The following CDH24 variants were observed in gnomAD, a reference collection of about 807,000 sequenced individuals.
The protein encoded by CDH24 is cadherin-24.
Under a neutral mutation model 71.2 loss-of-function variants are expected in CDH24, and 61 were observed. The observed-to-expected ratio is 0.86, with a 90% CI of 0.70 to 1.06. The LOEUF (loss-of-function observed/expected upper bound fraction) is 1.06, where lower values mean the gene tolerates loss of function less well. Ranked by LOEUF, CDH24 falls within the 50% of genes least tolerant of loss-of-function variation. The pLI is 0.00. For synonymous variants in CDH24, 440 were observed against 470.2 expected (o/e 0.94, Z 0.83); for missense variants, 961 against 1,083.7 (o/e 0.89, Z 1.59).
chr14:23,048,397 G>A lies in CDH24; in HGVS notation c.1929C>T (p.Asn643=). The A allele has an allele frequency of 6.2e-7, 1 of 1,612,522 alleles. No individual in the cohort carries two copies. The highest frequency in any genetic ancestry group is 8.5e-7 in the Non-Finnish European group (1 of 1,179,630). Residue 643 remains asparagine (N), a synonymous_variant, in exon 12 of 13, where the codon AAC becomes AAT. Coordinates refer to ENST00000487137, the MANE Select transcript of CDH24 (RefSeq NM_144985.4). ...CGCCCTCGTCGTCGTAGGTGATGAT[G>A]TTCTCTCGGACGTCCTCCTCCTCCA... The part of the protein sequence containing the change: ...MVLEEEDVRE[N]IITYDDEGGG...
chr14:23,054,962 G>A lies in CDH24; in HGVS notation c.497-96C>T. 2 of 1,591,870 alleles carry A rather than the reference G, an allele frequency of 1.3e-6. No individual in the cohort carries two copies. The highest frequency in any genetic ancestry group is 1.7e-6 in the Non-Finnish European group (2 of 1,166,330). ...ATGCAGATACGAGGGAGGCTGAATT[G>A]AAGGGGGCAGGTTCTGGGGCAGACA... On this transcript the variant is annotated intron_variant, in intron 3 of 12. Coordinates refer to ENST00000487137, the MANE Select transcript of CDH24 (RefSeq NM_144985.4). This position sits in a 1 kb window ranked among gnomAD's most constrained non-coding sequence, Gnocchi z 5.2.
chr14:23,050,064 A>C, intron 8 of CDH24, 121 bp from the exon 9 acceptor site: 8 of 1,339,696 alleles, frequency 6.0e-6, no homozygotes, highest in African/African-American at 1.4e-5. Context: ...AAACACATGA[A>C]ATATGCATGT....
Position 23,053,718 on chromosome 14 carries a change from G to A in CDH24, c.1004C>T (p.Ser335Phe), listed in dbSNP as rs750053080. 4.3e-6 allele frequency: 7 copies of A among 1,611,106 alleles called. No individual in the cohort carries two copies. Among genetic ancestry groups the A allele is most frequent in the South Asian group, 3.3e-5 (3 of 91,030 alleles). The change falls in exon 7 of 13, where the codon TCC becomes TTC. Residue 335 changes from serine to phenylalanine, a missense_variant. Transcript: ENST00000487137. ...CGTGTTGGTGGCCTCGACACGGAAG[G>A]AGTAGGAGCGCTGGCTCTCAAAGTC... Reference protein sequence around the residue: ...PLDFESQRSYSFRVEATNTLI... With the variant: ...PLDFESQRSYFFRVEATNTLI...
rs1046986201 is a variant in CDH24 at position 23,048,090 on chromosome 14, C to T, written c.2236G>A (p.Gly746Ser). The T allele has an allele frequency of 2.1e-6, 3 of 1,418,576 alleles. No individual in the cohort carries two copies. Among genetic ancestry groups the T allele is most frequent in the African/African-American group, 1.5e-5 (1 of 65,784 alleles). 87.9% of individuals were successfully genotyped at this position (1,418,576 alleles called of 1,614,324 possible). ...CCGGGGGCGCCGCCGGCTTCGCTGC[C>T]GGAGCCCAGGGAGCTGAGGGAGCCG... ...SCGSLSSLGS[G>S]SEAGGAPGPA... is the part of the protein sequence containing the mutation. Residue 746 changes from glycine to serine, a missense_variant, in exon 12 of 13, where the codon GGC (glycine) becomes AGC (serine). Gly to Ser is a moderately conservative substitution (Grantham distance 56). Transcript: ENST00000487137.
Position 23,053,505 on chromosome 14 carries a change from C to A in CDH24, c.1217G>T (p.Ser406Ile). ...ATCCCAGCTCACCTACCTGATTGGG[C>A]TGGCAGGGGAGTCCAGGTCAGCCGC... Reference protein sequence around the residue: ...ISAADLDSPASPIRYSILPHS... With the variant: ...ISAADLDSPAIPIRYSILPHS... The change falls in exon 7 of 13, where the codon AGC (serine) becomes ATC (isoleucine). Residue 406 changes from serine to isoleucine, a missense_variant. Ser to Ile is a moderately radical substitution (Grantham distance 142). Coordinates refer to ENST00000487137, the MANE Select transcript of CDH24 (RefSeq NM_144985.4). 6.4e-7 allele frequency: 1 copy of A among 1,574,642 alleles called. No individual in the cohort carries two copies. Among genetic ancestry groups the A allele is most frequent in the South Asian group, 1.1e-5 (1 of 87,220 alleles).
intron 8 of CDH24, chr14:23,052,134 C>T: frequency 9.8e-7 from 1 of 1,017,446 alleles, no homozygotes; most frequent in South Asian, 1.4e-5. Flanking sequence ...AGGTTGGGGG[C>T]TATGTAAGGT....
At position 23,055,678 on chromosome 14, in the gene CDH24, C is replaced by G. The variant is rs759572379; in HGVS notation, c.56G>C (p.Gly19Ala). Residue 19 changes from glycine to alanine, a missense_variant, in exon 2 of 13, where the codon GGG (glycine) becomes GCG (alanine). By Grantham distance (60) the Gly-to-Ala change is moderately conservative. Transcript: ENST00000487137. This position sits in a 1 kb window ranked among gnomAD's most constrained non-coding sequence, Gnocchi z 4.1. The part of the protein sequence containing the change: ...LAWLGGWGCM[G>A]RLAAPARAWA... The stretch of plus-strand genomic sequence containing the variant: ...GGCCCGGGCTGGGGCTGCCAGACGC[C>G]CCATGCAGCCCCAGCCACCCAGCCA... 1.2e-6 allele frequency: 2 copies of G among 1,601,686 alleles called. No individual in the cohort carries two copies. Among genetic ancestry groups the G allele is most frequent in the Non-Finnish European group, 1.7e-6 (2 of 1,176,418 alleles).
Position 23,055,045 on chromosome 14 carries a change from G to T in CDH24, c.496+14C>A. 6.2e-7 allele frequency: 1 copy of T among 1,606,192 alleles called. No individual in the cohort carries two copies. The highest frequency in any genetic ancestry group is 8.5e-7 in the Non-Finnish European group (1 of 1,174,168). On this transcript the variant is annotated intron_variant, in intron 3 of 12. Coordinates refer to ENST00000487137, the MANE Select transcript of CDH24 (RefSeq NM_144985.4). The surrounding 1 kb of genome is among the most constrained non-coding windows in gnomAD (Gnocchi z 4.1). ...GAAGACGGGAACTGGGGCATTCAGA[G>T]CTGGGGTGCTCACCGACATTGGACA... is the stretch of plus-strand genomic sequence containing the variant.
At position 23,053,657 on chromosome 14, in the gene CDH24, G is replaced by A; in HGVS notation, c.1065C>T (p.Phe355=). 1 of 1,614,028 alleles carries A rather than the reference G, an allele frequency of 6.2e-7. No individual in the cohort carries two copies. Among genetic ancestry groups the A allele is most frequent in the Non-Finnish European group, 8.5e-7 (1 of 1,179,982 alleles). The change falls in exon 7 of 13, where the codon TTC becomes TTT. Residue 355 remains phenylalanine (F), a synonymous_variant. Coordinates refer to ENST00000487137, the MANE Select transcript of CDH24 (RefSeq NM_144985.4). ...CCACACGCACAGAGGCCACATCCTT[G>A]AAGGGCCCTCGCCGCAGATAGGCTG... is the stretch of plus-strand genomic sequence containing the variant. ...IDPAYLRRGP[F]KDVASVRVAV...
In CDH24 at chr14:23,047,921, A is replaced by AC. The variant is rs2047052377; in HGVS notation, c.*58dup. On this transcript the variant is annotated 3_prime_UTR_variant, in exon 12 of 13. Transcript: ENST00000487137. ...CGCCCGCCTGGACCCCGTGGGGCTCACTCAGAGGGCCTGTGCCCGCTGCCC... is the reference window on the plus strand; with the variant it reads ...CGCCCGCCTGGACCCCGTGGGGCTCACCTCAGAGGGCCTGTGCCCGCTGCCC... The AC allele has an allele frequency of 8.1e-7, 1 of 1,240,538 alleles. No homozygotes were observed. The highest frequency in any genetic ancestry group is 4.3e-5 in the Admixed American group (1 of 23,054). The allele number at this position is 1,240,538 out of a possible 1,614,324, so 76.8% of individuals were successfully genotyped here. A position where few individuals can be genotyped will look rare whatever the true frequency, so the allele number is the denominator to read the frequency against.
In CDH24 at chr14:23,049,743, G is replaced by A. The variant is rs367754433; in HGVS notation, c.1486-5C>T. 3.0e-5 allele frequency: 48 copies of A among 1,611,634 alleles called. No homozygotes were observed. The highest frequency in any genetic ancestry group is 2.7e-4 in the East Asian group (12 of 44,868). The stretch of plus-strand genomic sequence containing the variant: ...GGCCCGGATGACCTGAATCAGCTGG[G>A]AGGAAGAAGAGAGAGGCCTTGTATG... On this transcript the variant is annotated splice_polypyrimidine_tract_variant and splice_region_variant and intron_variant, in intron 9 of 12. Coordinates refer to ENST00000487137, the MANE Select transcript of CDH24 (RefSeq NM_144985.4).
At position 23,055,608 on chromosome 14, in the gene CDH24, A is replaced by G. The variant is rs2047122663; in HGVS notation, c.126T>C (p.Thr42=). Residue 42 remains threonine, a synonymous_variant, in exon 2 of 13, where the codon ACT becomes ACC. Transcript: ENST00000487137. This position sits in a 1 kb window ranked among gnomAD's most constrained non-coding sequence, Gnocchi z 4.1. The stretch of plus-strand genomic sequence containing the variant: ...ACTGGTTCCAGACCCAGCTCCTTCG[A>G]GTCCGCAGCAGAGCAGGCCCTGGGT... ...REHPGPALLR[T]RRSWVWNQFF... 1.2e-6 allele frequency: 2 copies of G among 1,613,840 alleles called. No individual in the cohort carries two copies. Among genetic ancestry groups the G allele is most frequent in the Admixed American group, 3.3e-5 (2 of 60,026 alleles).
Position 23,047,937 on chromosome 14 carries a change from C to T in CDH24, c.*43G>A. ...GTGGGGCTCACTCAGAGGGCCTGTG[C>T]CCGCTGCCCCCCCCCCGCGGTGGGC... On this transcript the variant is annotated 3_prime_UTR_variant, in exon 12 of 13. Transcript: ENST00000487137. 2 of 1,281,250 alleles carry T rather than the reference C, an allele frequency of 1.6e-6. No individual in the cohort carries two copies. The highest frequency in any genetic ancestry group is 2.0e-6 in the Non-Finnish European group (2 of 1,015,264). 79.4% of individuals were successfully genotyped at this position (1,281,250 alleles called of 1,614,324 possible).
chr14:23,052,719 C>T (rs1483850743), intron 7 of CDH24, 110 bp from the exon 8 acceptor site: 4 of 1,107,438 alleles, frequency 3.6e-6, no homozygotes, highest in Non-Finnish European at 5.3e-6. Flanking sequence ...CATGACTCCT[C>T]TGGGTAGAGC....
At chr14:23,049,353 T>TCCCATAGAGCCAGCCC (rs1405267134) in intron 10 of CDH24, 78 bp from the exon 11 acceptor site, 1 of 1,382,144 alleles carries the variant, frequency 7.2e-7, no homozygotes, top group Non-Finnish European at 9.8e-7. Context: ...AGAGCCAGCT[T>TCCCATAGAGCCAGCCC]CCCATAGAGC....
Position 23,057,262 on chromosome 14 carries a change from A to T in CDH24, c.-125+141T>A, listed in dbSNP as rs908305928. On this transcript the variant is annotated intron_variant, in intron 1 of 12. Transcript: ENST00000487137. The surrounding 1 kb of genome is among the most constrained non-coding windows in gnomAD (Gnocchi z 5.4). ...GAGAGAGGTGCGAGGGGAGAAGGGA[A>T]AGAGGCAGAGCGCGGGAGAAGGGAG... The T allele has an allele frequency of 2.6e-5, 4 of 152,394 alleles. No homozygotes were observed. Among genetic ancestry groups the T allele is most frequent in the Admixed American group, 1.3e-4 (2 of 15,282 alleles). 9.4% of individuals were successfully genotyped at this position (152,394 alleles called of 1,614,324 possible). A position where few individuals can be genotyped will look rare whatever the true frequency, so the allele number is the denominator to read the frequency against.
At chr14:23,056,163 CGTAGCCAG>C (rs2047128534) in intron 1 of CDH24, among the ~76,000 whole-genome samples, 1 of 152,214 alleles carries the variant, frequency 6.6e-6, no homozygotes, top group Non-Finnish European at 1.5e-5. Flanking sequence ...AGGTTGGGCA[CGTAGCCAG>C]GTATTGGAGG....
chr14:23,052,361 C>T, intron 8 of CDH24, 112 bp downstream of exon 8: 3 of 1,157,394 alleles, frequency 2.6e-6, no homozygotes, highest in East Asian at 2.5e-5. Flanking sequence ...GACTCAGTGG[C>T]CGCACGCTGG....
In CDH24 at chr14:23,054,698, G is replaced by T. The variant is rs2047112311; in HGVS notation, c.617-25C>A. On this transcript the variant is annotated intron_variant, in intron 4 of 12. Coordinates refer to ENST00000487137, the MANE Select transcript of CDH24 (RefSeq NM_144985.4). The surrounding 1 kb of genome is among the most constrained non-coding windows in gnomAD (Gnocchi z 5.2). ...CCTAGGGAGAGATGCTGGTCAGAGG[G>T]TGTCTGTCCCCTTGGCTGCCCCACC... 6.2e-7 allele frequency: 1 copy of T among 1,614,002 alleles called. No homozygotes were observed. Among genetic ancestry groups the T allele is most frequent in the Non-Finnish European group, 8.5e-7 (1 of 1,179,958 alleles).
Sources: allele counts gnomAD v4.1 joint callset (sites outside exome capture counted in the v4.1 genomes callset), GRCh38; gene constraint gnomAD v4.1.1; non-coding constraint Gnocchi (gnomAD v3.1); transcripts MANE v1.5; gene names NCBI Gene and HGNC (gene_info 2026-07-23, HGNC 2026-07-21).